WWOX: variants seen among roughly 807,000 people sequenced by gnomAD.
The protein encoded by WWOX is WW domain containing oxidoreductase.
WWOX carries 69 observed loss-of-function variants against 46.2 expected under a neutral mutation model. The ratio of observed to expected loss-of-function variants is 1.49; its 90% CI spans 1.23 to 1.82. WWOX has a LOEUF of 1.82. WWOX is among the 40% of genes most tolerant of loss of function. The pLI is 0.00. For missense variants in WWOX, 919 were observed against 542.6 expected (o/e 1.69, Z -6.89); for synonymous variants, 359 against 202.6 (o/e 1.77, Z -6.56).
At chr16:78,627,990 G>T (rs919808717) in intron 8 of WWOX, among the ~76,000 whole-genome samples, 3 of 152,222 alleles carry the variant, frequency 2.0e-5, no homozygotes, top group African/African-American at 4.8e-5. Flanking sequence ...GTCCTTGGGA[G>T]AGTAGCCTCA....
chr16:78,694,224 T>C (rs1567496381), intron 8 of WWOX, among the ~76,000 whole-genome samples: 1 of 151,898 alleles, frequency 6.6e-6, no homozygotes, highest in Admixed American at 6.6e-5. Context: ...AAAAATAAAA[T>C]AAAATAAAAT....
At chr16:78,505,950 A>G (rs2085192170) in intron 8 of WWOX, among the ~76,000 whole-genome samples, 1 of 152,190 alleles carries the variant, frequency 6.6e-6, no homozygotes, top group African/African-American at 2.4e-5. Context: ...TGCAAACCGC[A>G]TTTCCTTGGC....
In WWOX at chr16:78,932,660, G is replaced by A. The variant is rs545318210; in HGVS notation, c.1057-278948G>A. ...AGCCTGCAGCTGCGGCCTCTGGGGT[G>A]AATTCCCCCCATGGGAGGACCTGGT... On this transcript the variant is annotated intron_variant, in intron 8 of 8. Transcript: ENST00000566780. Among the ~76,000 whole-genome samples, 204 of 152,340 alleles carry A rather than the reference G, an allele frequency of 1.3e-3. 1 individual carries two copies. Among genetic ancestry groups the A allele is most frequent in the African/African-American group, 4.6e-3 (192 of 41,578 alleles).
At chr16:78,263,500 C>G (rs1023236699) in intron 5 of WWOX, among the ~76,000 whole-genome samples, 2 of 152,168 alleles carry the variant, frequency 1.3e-5, no homozygotes, top group African/African-American at 2.4e-5. Flanking sequence ...AGCAAATGCT[C>G]ATTAACACCA....
chr16:78,963,885 G>A (rs1484991536), intron 8 of WWOX, among the ~76,000 whole-genome samples: 1 of 152,154 alleles, frequency 6.6e-6, no homozygotes, highest in Non-Finnish European at 1.5e-5. Context: ...ATTGAATCAT[G>A]GGGGCTGGTG....
In WWOX at chr16:79,211,237, C is replaced by A. The variant is rs370716037; in HGVS notation, c.1057-371C>A. Among the ~76,000 whole-genome samples the A allele has an allele frequency of 2.2e-4, 34 of 152,208 alleles. No individual in the cohort carries two copies. The South Asian group carries it at 7.1e-3, about 32-fold the overall frequency. On this transcript the variant is annotated intron_variant, in intron 8 of 8. Transcript: ENST00000566780. ...CGATTTGGTATCGAATTACATTATACATGGAGAAGTTGAGGGGTTGGATGA... is the reference window on the plus strand; with the variant it reads ...CGATTTGGTATCGAATTACATTATAAATGGAGAAGTTGAGGGGTTGGATGA...
intron 5 of WWOX, among the ~76,000 whole-genome samples, chr16:78,382,220 A>T (rs890518760): frequency 1.3e-5 from 2 of 152,196 alleles, no homozygotes; most frequent in African/African-American, 4.8e-5. Flanking sequence ...GACACATAGC[A>T]CGTTGCACCT....
intron 8 of WWOX, among the ~76,000 whole-genome samples, chr16:78,662,196 A>C (rs1015143797): frequency 6.6e-6 from 1 of 152,126 alleles, no homozygotes; most frequent in East Asian, 1.9e-4. Flanking sequence ...TGAATTGCCT[A>C]GTAAATAAGT....
intron 7 of WWOX, among the ~76,000 whole-genome samples, chr16:78,425,425 A>T (rs1318201878): frequency 2.0e-5 from 3 of 152,210 alleles, no homozygotes; most frequent in African/African-American, 7.2e-5. Flanking sequence ...GAAACAATGC[A>T]ATTAGAGCCT....
chr16:78,202,581 A>T (rs1241100410), intron 5 of WWOX, among the ~76,000 whole-genome samples: 1 of 152,180 alleles, frequency 6.6e-6, no homozygotes, highest in Non-Finnish European at 1.5e-5. Flanking sequence ...CATTTTTGTA[A>T]GTGCATGTAT....
intron 8 of WWOX, among the ~76,000 whole-genome samples, chr16:78,725,151 G>C (rs527791183): frequency 6.6e-6 from 1 of 152,016 alleles, no homozygotes; most frequent in South Asian, 2.1e-4. Context: ...GGTTTTATAA[G>C]GGGGAAACAC....
intron 8 of WWOX, among the ~76,000 whole-genome samples, chr16:78,565,244 C>A (rs554471168): frequency 1.3e-5 from 2 of 152,204 alleles, no homozygotes; most frequent in African/African-American, 4.8e-5. Flanking sequence ...CAAAAACGTA[C>A]TGGCTTTAAA....
chr16:79,085,413 G>C (rs2048836544), intron 8 of WWOX, among the ~76,000 whole-genome samples: 1 of 152,142 alleles, frequency 6.6e-6, no homozygotes, highest in African/African-American at 2.4e-5. Flanking sequence ...GGTCTGCTTT[G>C]CTGAGCTTTG....
intron 8 of WWOX, among the ~76,000 whole-genome samples, chr16:78,459,927 C>T (rs144796456): frequency 6.6e-6 from 1 of 151,588 alleles, no homozygotes; most frequent in Non-Finnish European, 1.5e-5. Flanking sequence ...ACCTCAGCCT[C>T]CCGGGTAGTT....
At chr16:78,242,756 C>G (rs997855172) in intron 5 of WWOX, among the ~76,000 whole-genome samples, 1 of 152,112 alleles carries the variant, frequency 6.6e-6, no homozygotes, top group Non-Finnish European at 1.5e-5. Flanking sequence ...GCCTGTAATC[C>G]TAGCACTTTG....
chr16:78,806,746 C>G (rs1055111245), intron 8 of WWOX, among the ~76,000 whole-genome samples: 2 of 152,148 alleles, frequency 1.3e-5, no homozygotes, highest in African/African-American at 2.4e-5. Context: ...TTTAGGCTGT[C>G]AGACCCACCC....
At chr16:78,444,748 T>C (rs1190357073) in intron 8 of WWOX, among the ~76,000 whole-genome samples, 1 of 152,068 alleles carries the variant, frequency 6.6e-6, no homozygotes, top group African/African-American at 2.4e-5. Context: ...GCCAGGATGG[T>C]CTCGATCTCC....
intron 8 of WWOX, among the ~76,000 whole-genome samples, chr16:79,123,984 T>C (rs935159404): frequency 1.3e-5 from 2 of 152,204 alleles, no homozygotes; most frequent in African/African-American, 4.8e-5. Flanking sequence ...CAAGAGGCAC[T>C]GCAAAGCCAA....
chr16:78,894,751 C>T (rs543883124), intron 8 of WWOX, among the ~76,000 whole-genome samples: 3 of 152,080 alleles, frequency 2.0e-5, no homozygotes, highest in East Asian at 1.9e-4. Flanking sequence ...GGAAAGAAGA[C>T]GGGACTAAAA....
Sources: gnomAD v4.1 joint callset for allele counts (sites outside exome capture counted in the v4.1 genomes callset) on GRCh38, gnomAD v4.1.1 for gene constraint, MANE v1.5 for transcripts, NCBI Gene and HGNC (gene_info 2026-07-23, HGNC 2026-07-21) for gene names.